PVT1: variants seen among roughly 807,000 people sequenced by gnomAD.
PVT1 encodes the protein Pvt1 oncogene.
chr8:128,098,122 TC>T (rs988377217), intron 6 of PVT1, among the ~76,000 whole-genome samples: 2 of 151,814 alleles, frequency 1.3e-5, no homozygotes, highest in African/African-American at 4.8e-5. Flanking sequence ...CTCTCTGCCT[TC>T]CCCCCGCCCC....
intron 4 of PVT1, among the ~76,000 whole-genome samples, chr8:127,995,242 T>C (rs1817091043): frequency 6.6e-6 from 1 of 152,232 alleles, no homozygotes; most frequent in South Asian, 2.1e-4. Flanking sequence ...AGAGCCACTC[T>C]TGTCCTGTTC....
chr8:127,900,241 C>T (rs1031122799), intron 3 of PVT1, among the ~76,000 whole-genome samples: 1 of 152,014 alleles, frequency 6.6e-6, no homozygotes, highest in Non-Finnish European at 1.5e-5. Flanking sequence ...TGGGGTTTCA[C>T]TGTGTTAGCC....
intron 3 of PVT1, among the ~76,000 whole-genome samples, chr8:127,907,732 C>T (rs192378567): frequency 2.0e-4 from 30 of 152,204 alleles, no homozygotes; most frequent in Non-Finnish European, 2.8e-4. Flanking sequence ...TATATTTTTC[C>T]ACGAAATCCT....
chr8:127,825,575 A>G (rs1241515720), intron 2 of PVT1, among the ~76,000 whole-genome samples: 1 of 152,196 alleles, frequency 6.6e-6, no homozygotes, highest in Non-Finnish European at 1.5e-5. Context: ...AGATGATGAC[A>G]TCTACTTCAG....
At chr8:128,047,657 A>G (rs1182198303) in intron 4 of PVT1, among the ~76,000 whole-genome samples, 1 of 152,182 alleles carries the variant, frequency 6.6e-6, no homozygotes, top group Non-Finnish European at 1.5e-5. Context: ...TCATTACAAC[A>G]TTGTTTGACA....
At chr8:127,975,522 C>T (rs11779126) in intron 3 of PVT1, among the ~76,000 whole-genome samples, 12,693 of 152,240 alleles carry the variant, frequency 0.083, 685 homozygotes, top group South Asian at 0.15. Flanking sequence ...CCAGTTGCAA[C>T]GCAGCCTTGA....
intron 3 of PVT1, among the ~76,000 whole-genome samples, chr8:127,905,611 G>A (rs1815810466): frequency 6.6e-6 from 1 of 152,170 alleles, no homozygotes; most frequent in East Asian, 1.9e-4. Context: ...GGGCAGTGTA[G>A]TAAAAAATTG....
intron 4 of PVT1, among the ~76,000 whole-genome samples, chr8:127,997,241 G>A (rs1422929916): frequency 4.0e-5 from 6 of 151,626 alleles, no homozygotes; most frequent in Non-Finnish European, 5.9e-5. Flanking sequence ...GGGTTTCTCC[G>A]TGTTGGTCAG....
At chr8:127,891,948 G>A (rs1264747647) in intron 3 of PVT1, among the ~76,000 whole-genome samples, 1 of 152,228 alleles carries the variant, frequency 6.6e-6, no homozygotes, top group Non-Finnish European at 1.5e-5. Flanking sequence ...TGGCCTCTCA[G>A]GTCCAGGCCT....
intron 2 of PVT1, among the ~76,000 whole-genome samples, chr8:127,798,696 TA>T (rs1034264209): frequency 2.8e-5 from 1 of 35,876 alleles, no homozygotes; most frequent in African/African-American, 9.7e-5. Context: ...CTGTCTCTAC[TA>T]AAAATACAAA....
chr8:127,809,052 A>AAAAAAAAAAAAAAAAAAAG (rs1554588311), intron 2 of PVT1, among the ~76,000 whole-genome samples: 4 of 135,026 alleles, frequency 3.0e-5, no homozygotes, highest in African/African-American at 1.2e-4. Flanking sequence ...AAAAAAAAAA[A>AAAAAAAAAAAAAAAAAAAG]AAAGAAAGAA....
intron 3 of PVT1, chr8:127,947,859 C>A (rs778315684): frequency 2.2e-6 from 1 of 456,534 alleles, no homozygotes; most frequent in Non-Finnish European, 4.4e-6. Context: ...TTGTGCTATA[C>A]CCTCTTGTAA....
chr8:127,897,455 GAAGAAAGAAAGT>G (rs1025530218), intron 3 of PVT1, among the ~76,000 whole-genome samples: 31 of 150,194 alleles, frequency 2.1e-4, no homozygotes, highest in East Asian at 1.4e-3. Context: ...TTCCAAAAAT[GAAGAAAGAAAGT>G]AAGAAAGAAA....
Position 127,860,784 on chromosome 8 carries a change from A to AAAAG in PVT1, n.373-29805_373-29804insAAAG, listed in dbSNP as rs777898921. The stretch of plus-strand genomic sequence containing the variant: ...AATCTCAAAAAAAAAAAAAAAAAAA[A>AAAAG]GGAGAAGACAAGGCGACAACTGTGA... On this transcript the variant is annotated intron_variant and non_coding_transcript_variant, in intron 2 of 10. Transcript: ENST00000651587. Among the ~76,000 whole-genome samples the AAAAG allele has an allele frequency of 2.8e-5, 4 of 143,390 alleles. No homozygotes were observed. In the South Asian group the frequency reaches 6.5e-4, roughly 23 times the overall value. The allele number at this position is 143,390 out of a possible 152,430, so 94.1% of individuals were successfully genotyped here.
At chr8:127,796,349 C>A (rs1014874498) in intron 2 of PVT1, among the ~76,000 whole-genome samples, 5 of 152,170 alleles carry the variant, frequency 3.3e-5, no homozygotes, top group Admixed American at 2.0e-4. Context: ...AGCTTTTCTG[C>A]ACTGGAAAGG....
chr8:128,049,461 C>G (rs1813660839), intron 4 of PVT1, among the ~76,000 whole-genome samples: 1 of 152,094 alleles, frequency 6.6e-6, no homozygotes, highest in South Asian at 2.1e-4. Context: ...TTCTGTGGCT[C>G]TGTAGGGTGA....
intron 2 of PVT1, among the ~76,000 whole-genome samples, chr8:127,843,996 T>G (rs996913262): frequency 2.0e-5 from 3 of 151,944 alleles, no homozygotes; most frequent in African/African-American, 7.3e-5. Flanking sequence ...TATTATTTTT[T>G]TTTTGAGACG....
chr8:127,852,454 C>T (rs990400726), intron 2 of PVT1: 2 of 152,212 alleles, frequency 1.3e-5, no homozygotes, highest in South Asian at 2.1e-4. Flanking sequence ...GTCAGTGCGT[C>T]GACTCTGCCT....
intron 3 of PVT1, among the ~76,000 whole-genome samples, chr8:127,988,175 C>T (rs1816991598): frequency 6.6e-6 from 1 of 152,210 alleles, no homozygotes; most frequent in Non-Finnish European, 1.5e-5. Context: ...CACCTGCCCG[C>T]CGTTCTTGCC....
Sources: allele counts gnomAD v4.1 joint callset (sites outside exome capture counted in the v4.1 genomes callset), GRCh38; gene constraint gnomAD v4.1.1; transcripts MANE v1.5; gene names NCBI Gene and HGNC (gene_info 2026-07-23, HGNC 2026-07-21).